RBFOX1: variants seen among roughly 807,000 people sequenced by gnomAD.
The protein encoded by RBFOX1 is RNA binding protein fox-1 homolog 1.
In RBFOX1, 8 loss-of-function variants were observed where a neutral mutation model predicts 57.7. That is an observed-to-expected ratio of 0.14 (90% CI 0.08 to 0.25). RBFOX1 has a LOEUF of 0.25. Among genes scored for constraint, RBFOX1 ranks in the 10% least tolerant of loss-of-function variants. The pLI is 1.00. For synonymous variants in RBFOX1, 326 were observed against 222.4 expected, an observed-to-expected ratio of 1.47 and a Z score of -4.15; for missense variants, 611 against 548.5, an observed-to-expected ratio of 1.11 and a Z score of -1.14.
chr16:7,316,014 T>C (rs922318655), intron 4 of RBFOX1, among the ~76,000 whole-genome samples: 1 of 152,208 alleles, frequency 6.6e-6, no homozygotes, highest in African/African-American at 2.4e-5. Flanking sequence ...TGTGCAAATC[T>C]GGTGATTCAC....
At chr16:5,892,423 C>T (rs1428428252) in intron 4 of RBFOX1, among the ~76,000 whole-genome samples, 2 of 152,110 alleles carry the variant, frequency 1.3e-5, no homozygotes, top group African/African-American at 4.8e-5. Flanking sequence ...GCCTCAGTCT[C>T]CTCATCTCTA....
chr16:5,637,974 C>G (rs1000698003), intron 3 of RBFOX1, among the ~76,000 whole-genome samples: 5 of 152,222 alleles, frequency 3.3e-5, no homozygotes, highest in Non-Finnish European at 4.4e-5. Context: ...TATTTCTACT[C>G]TGATGATGTC....
chr16:6,388,608 T>A (rs1185478509), intron 2 of RBFOX1, among the ~76,000 whole-genome samples: 1 of 152,122 alleles, frequency 6.6e-6, no homozygotes, highest in Non-Finnish European at 1.5e-5. Context: ...GGCACAGTGG[T>A]TCCCACCAGT....
chr16:5,828,534 C>G (rs962884459), intron 3 of RBFOX1, among the ~76,000 whole-genome samples: 3 of 152,060 alleles, frequency 2.0e-5, no homozygotes. Flanking sequence ...CCCATCTCTA[C>G]TAAAAATACA....
intron 4 of RBFOX1, among the ~76,000 whole-genome samples, chr16:5,994,161 G>T (rs947801084): frequency 1.3e-5 from 2 of 152,018 alleles, no homozygotes; most frequent in Admixed American, 6.6e-5. Context: ...AATTCATTGG[G>T]TTTTTTGTTT....
At chr16:5,843,932 C>T (rs2056688756) in intron 3 of RBFOX1, among the ~76,000 whole-genome samples, 1 of 152,216 alleles carries the variant, frequency 6.6e-6, no homozygotes, top group South Asian at 2.1e-4. Flanking sequence ...CAGAATTTTC[C>T]TATCAGAAAA....
At chr16:5,370,459 CCT>C (rs2065829395) in intron 1 of RBFOX1, among the ~76,000 whole-genome samples, 1 of 65,562 alleles carries the variant, frequency 1.5e-5, no homozygotes, top group Non-Finnish European at 3.4e-5. Flanking sequence ...CCAGCCTCCT[CCT>C]CTTTTTTTTT....
At position 6,950,207 on chromosome 16, in the gene RBFOX1, C is replaced by G. The variant is rs143798641; in HGVS notation, c.-15-101850C>G. 2.0e-3 allele frequency among the ~76,000 whole-genome samples: 296 copies of G among 151,462 alleles called. 1 individual carries two copies. The highest frequency in any genetic ancestry group is 3.1e-3 in the Non-Finnish European group (208 of 67,924). The stretch of plus-strand genomic sequence containing the variant: ...TCCTGACCTCAAGTGATCCACCTGC[C>G]TCAGCCTCCCAAAGCGCCGGGATTA... On this transcript the variant is annotated intron_variant, in intron 3 of 15. Coordinates refer to ENST00000550418, the MANE Select transcript of RBFOX1 (RefSeq NM_018723.4).
chr16:6,125,488 G>A (rs1005231544), intron 1 of RBFOX1, among the ~76,000 whole-genome samples: 1 of 152,166 alleles, frequency 6.6e-6, no homozygotes, highest in African/African-American at 2.4e-5. Context: ...GCTCTTTGAT[G>A]TTTTACAAGG....
At chr16:6,391,936 C>A (rs1325358810) in intron 2 of RBFOX1, among the ~76,000 whole-genome samples, 1 of 152,128 alleles carries the variant, frequency 6.6e-6, no homozygotes, top group African/African-American at 2.4e-5. Context: ...GTGAATAAGT[C>A]TTTCAGAGAA....
intron 1 of RBFOX1, among the ~76,000 whole-genome samples, chr16:6,232,237 C>T (rs893330155): frequency 1.4e-4 from 21 of 152,118 alleles, no homozygotes; most frequent in South Asian, 4.1e-4. Context: ...GTGTGAGTAC[C>T]GGCTGGACGG....
chr16:6,888,162 T>C (rs2064564798), intron 3 of RBFOX1, among the ~76,000 whole-genome samples: 1 of 152,160 alleles, frequency 6.6e-6, no homozygotes. Context: ...CAGTAGGCAG[T>C]AGTTGTGACA....
At chr16:7,157,641 G>GA (rs2077422821) in intron 4 of RBFOX1, among the ~76,000 whole-genome samples, 1 of 152,026 alleles carries the variant, frequency 6.6e-6, no homozygotes, top group Non-Finnish European at 1.5e-5. Context: ...ATCTAAACTG[G>GA]ATTAAGGTGG....
In RBFOX1 at chr16:7,046,170, T is replaced by G. The variant is rs533929344; in HGVS notation, c.-15-5887T>G. Among the ~76,000 whole-genome samples the G allele has an allele frequency of 1.4e-4, 21 of 152,256 alleles. No homozygotes were observed. In the South Asian group the frequency reaches 3.9e-3, roughly 29 times the overall value. ...AATTGCATCAGCCATTTAGTTTATA[T>G]TTTACATGTAGACAGGTGTTCCATT... On this transcript the variant is annotated intron_variant, in intron 3 of 15. Coordinates refer to ENST00000550418, the MANE Select transcript of RBFOX1 (RefSeq NM_018723.4).
At chr16:6,574,357 C>G (rs1193090960) in intron 2 of RBFOX1, among the ~76,000 whole-genome samples, 1 of 151,532 alleles carries the variant, frequency 6.6e-6, no homozygotes, top group Non-Finnish European at 1.5e-5. Flanking sequence ...CAGTTTTTCA[C>G]TAGCGTGGGA....
At chr16:5,646,854 C>G (rs1429306219) in intron 3 of RBFOX1, among the ~76,000 whole-genome samples, 1 of 151,996 alleles carries the variant, frequency 6.6e-6, no homozygotes, top group Non-Finnish European at 1.5e-5. Context: ...AGGATGGTCT[C>G]AATCTCTTGA....
intron 3 of RBFOX1, among the ~76,000 whole-genome samples, chr16:6,754,245 G>C (rs928631657): frequency 6.6e-6 from 1 of 152,078 alleles, no homozygotes; most frequent in Non-Finnish European, 1.5e-5. Flanking sequence ...ATGTTCACCT[G>C]CTTTATTCAG....
intron 3 of RBFOX1, among the ~76,000 whole-genome samples, chr16:7,015,793 AATAAC>A: frequency 6.6e-6 from 1 of 151,616 alleles, no homozygotes; most frequent in Non-Finnish European, 1.5e-5. Flanking sequence ...TTTTCTGACT[AATAAC>A]ATTTTCTGAT....
chr16:7,502,134 T>G (rs2071117851), intron 4 of RBFOX1, among the ~76,000 whole-genome samples: 1 of 152,286 alleles, frequency 6.6e-6, no homozygotes, highest in South Asian at 2.1e-4. Flanking sequence ...AGGCTAAAAC[T>G]TATGCAACAC....
Sources: gnomAD v4.1 joint callset for allele counts (sites outside exome capture counted in the v4.1 genomes callset) on GRCh38, gnomAD v4.1.1 for gene constraint, MANE v1.5 for transcripts, NCBI Gene and HGNC (gene_info 2026-07-23, HGNC 2026-07-21) for gene names.